IL32: variants seen among roughly 807,000 people sequenced by gnomAD.
IL32 encodes the protein interleukin-32.
In IL32, 30 loss-of-function variants were observed where a neutral mutation model predicts 16.6. The observed-to-expected ratio is 1.81, with a 90% CI of 1.35 to 2.45. IL32 has a LOEUF of 2.45. IL32 is among the 30% of genes most tolerant of loss of function. The pLI is 0.00. For synonymous variants in IL32, 70 were observed against 86.1 expected, an observed-to-expected ratio of 0.81 and a Z score of 1.03; for missense variants, 234 against 229.8, an observed-to-expected ratio of 1.02 and a Z score of -0.12.
At position 3,066,257 on chromosome 16, in the gene IL32, G is replaced by A. The variant is rs191634700; in HGVS notation, c.15+431G>A. On this transcript the variant is annotated intron_variant, in intron 2 of 6. Coordinates refer to ENST00000525643, the MANE Select transcript of IL32 (RefSeq NM_001376923.1). ...TACCACTGCCCCACCGCAAATGCTA[G>A]GCCCACCACACCCTCCAGGGAGCTC... 1.2e-3 allele frequency among the ~76,000 whole-genome samples: 186 copies of A among 152,230 alleles called. 1 individual carries two copies. Among genetic ancestry groups the A allele is most frequent in the African/African-American group, 2.7e-3 (114 of 41,510 alleles).
Position 3,067,666 on chromosome 16 carries a change from T to C in IL32, c.114+53T>C, listed in dbSNP as rs541927223. On this transcript the variant is annotated intron_variant, in intron 4 of 6. Transcript: ENST00000525643. ...GTCACATGTCCCCGCCCCCAGGCAC[T>C]CCACCCTGTGTGGGGCTCAGGGTGA... 104 of 1,346,792 alleles carry C rather than the reference T, an allele frequency of 7.7e-5. 1 individual carries two copies. The South Asian group carries it at 1.0e-3, about 14-fold the overall frequency. 83.4% of individuals were successfully genotyped at this position (1,346,792 alleles called of 1,614,324 possible).
intron 2 of IL32, among the ~76,000 whole-genome samples, chr16:3,066,930 C>T (rs1042424010): frequency 1.3e-5 from 2 of 148,218 alleles, no homozygotes; most frequent in Non-Finnish European, 3.0e-5. Context: ...AGGCCCTGCT[C>T]TTGTGAGGAG....
upstream of IL32, chr16:3,065,588 G>C (rs895162073): frequency 3.7e-5 from 24 of 641,562 alleles, no homozygotes; most frequent in Non-Finnish European, 6.4e-5. Context: ...GAGAGGCTCC[G>C]CCCACTACCC....
intron 2 of IL32, among the ~76,000 whole-genome samples, chr16:3,066,055 A>G (rs1043369400): frequency 3.3e-5 from 5 of 152,042 alleles, no homozygotes; most frequent in African/African-American, 1.2e-4. Context: ...CACCTGTCCC[A>G]GGAGCCCTTC....
In IL32 at chr16:3,067,564, T is replaced by C. The variant is rs748365535; in HGVS notation, c.65T>C (p.Ile22Thr). The C allele has an allele frequency of 3.1e-6, 5 of 1,613,942 alleles. No homozygotes were observed. Among genetic ancestry groups the C allele is most frequent in the Admixed American group, 1.7e-5 (1 of 60,014 alleles). ...KKLKARMHQA[I>T]ERFYDKMQNA... Reference sequence around the variant, plus strand: ...TGCCTCTCTTCACAGCACCAGGCCATAGAAAGATTTTATGATAAAATGCAA... The same window carrying C: ...TGCCTCTCTTCACAGCACCAGGCCACAGAAAGATTTTATGATAAAATGCAA... Residue 22 changes from isoleucine to threonine, a missense_variant, in exon 4 of 7, where the codon ATA becomes ACA. Physicochemically the swap from Ile to Thr is moderately conservative, Grantham distance 89 (BLOSUM62 -1). Around this residue, in one of 3 missense-constraint regions of IL32, gnomAD observed 137 missense variants for 80.7 expected, o/e 1.70. Transcript: ENST00000525643.
Position 3,067,308 on chromosome 16 carries a change from T to C in IL32, c.16-69T>C, listed in dbSNP as rs201732786. ...GTGTGTGTGTGTGTGTGTGTGTGTG[T>C]GTATAAATTATCCTGGAGGAAAGGT... On this transcript the variant is annotated intron_variant, in intron 2 of 6. Coordinates refer to ENST00000525643, the MANE Select transcript of IL32 (RefSeq NM_001376923.1). 59 of 748,484 alleles carry C rather than the reference T, an allele frequency of 7.9e-5. 1 individual carries two copies. The highest frequency in any genetic ancestry group is 1.6e-4 in the Admixed American group (7 of 42,588). 46.4% of individuals were successfully genotyped at this position (748,484 alleles called of 1,614,324 possible).
At position 3,067,990 on chromosome 16, in the gene IL32, T is replaced by C. The variant is rs1222313236; in HGVS notation, c.121T>C (p.Ser41Pro). The change falls in exon 5 of 7, where the codon TCG becomes CCG. Residue 41 changes from serine to proline, a missense_variant. By Grantham distance (74) the Ser-to-Pro change is moderately conservative. Transcript: ENST00000525643. Reference protein sequence around the residue: ...NAESGRGQVMSSLAELEDDFK... With the variant: ...NAESGRGQVMPSLAELEDDFK... ...AGTGCTTTGTTCCTAACAGGTGATG[T>C]CGAGCCTGGCAGAGCTGGAGGTGAG... The C allele has an allele frequency of 6.2e-7, 1 of 1,614,094 alleles. No homozygotes were observed. Among genetic ancestry groups the C allele is most frequent in the South Asian group, 1.1e-5 (1 of 91,084 alleles).
chr16:3,067,289 G>GTGTGTGTCTC lies in IL32; in HGVS notation c.16-81_16-80insCTCTGTGTGT, dbSNP rs1555442517. Reference sequence around the variant, plus strand: ...TGTGTCTCTGTGTGTGTGTGTGTGTGTGTGTGTGTGTGTGTGTGTGTATAA... The same window carrying GTGTGTGTCTC: ...TGTGTCTCTGTGTGTGTGTGTGTGTGTGTGTGTCTCTGTGTGTGTGTGTGTGTGTGTATAA... On this transcript the variant is annotated intron_variant, in intron 2 of 6. Transcript: ENST00000525643. 243 of 559,148 alleles carry GTGTGTGTCTC rather than the reference G, an allele frequency of 4.3e-4. 1 individual carries two copies. Among genetic ancestry groups the GTGTGTGTCTC allele is most frequent in the East Asian group, 3.7e-3 (121 of 32,896 alleles). The allele number at this position is 559,148 out of a possible 1,614,324, so 34.6% of individuals were successfully genotyped here. A position where few individuals can be genotyped will look rare whatever the true frequency, so the allele number is the denominator to read the frequency against.
chr16:3,068,227 G>A lies in IL32; in HGVS notation c.189G>A (p.Glu63=), dbSNP rs1046974488. The A allele has an allele frequency of 6.3e-7, 1 of 1,597,862 alleles. No homozygotes were observed. Among genetic ancestry groups the A allele is most frequent in the Non-Finnish European group, 8.5e-7 (1 of 1,171,960 alleles). Residue 63 remains glutamate (E), a synonymous_variant, in exon 6 of 7, where the codon GAG becomes GAA. Transcript: ENST00000525643. ...TGGAGACAGTGGCGGCTTATTATGA[G>A]GAGCAGCACCCAGTGAGTATGACAC... ...GYLETVAAYY[E]EQHPELTPLL...
intron 4 of IL32, 90 bp from the exon 5 acceptor site, chr16:3,067,894 G>A (rs1208734600): frequency 2.1e-6 from 3 of 1,452,916 alleles, no homozygotes; most frequent in African/African-American, 1.4e-5. Context: ...CGGGGTGTGT[G>A]GGAGCTGAGG....
In IL32 at chr16:3,067,648, G is replaced by A. The variant is rs1956541115; in HGVS notation, c.114+35G>A. On this transcript the variant is annotated intron_variant, in intron 4 of 6. Transcript: ENST00000525643. ...TTTCCCCTCAGGCACCAGGTCACAT[G>A]TCCCCGCCCCCAGGCACTCCACCCT... 8 of 1,486,940 alleles carry A rather than the reference G, an allele frequency of 5.4e-6. No individual in the cohort carries two copies. The East Asian group carries it at 1.6e-4, about 29-fold the overall frequency. The allele number at this position is 1,486,940 out of a possible 1,614,324, so 92.1% of individuals were successfully genotyped here. A position where few individuals can be genotyped will look rare whatever the true frequency, so the allele number is the denominator to read the frequency against.
intron 2 of IL32, among the ~76,000 whole-genome samples, 179 bp downstream of exon 2, chr16:3,066,005 G>A (rs969613859): frequency 6.6e-6 from 1 of 152,150 alleles, no homozygotes; most frequent in South Asian, 2.1e-4. Flanking sequence ...CATATGTGTC[G>A]GGGGCGCTGG....
Position 3,068,236 on chromosome 16 carries a change from C to G in IL32, c.198C>G (p.His66Gln). ...ETVAAYYEEQ[H>Q]PELTPLLEKE... ...TGGCGGCTTATTATGAGGAGCAGCA[C>G]CCAGTGAGTATGACACACCCATCTG... The change falls in exon 6 of 7, where the codon CAC becomes CAG. Residue 66 changes from histidine to glutamine, a missense_variant. Physicochemically the swap from His to Gln is conservative, Grantham distance 24. Around this residue, in one of 3 missense-constraint regions of IL32, gnomAD observed 137 missense variants for 80.7 expected, o/e 1.70. Coordinates refer to ENST00000525643, the MANE Select transcript of IL32 (RefSeq NM_001376923.1). The G allele has an allele frequency of 6.3e-7, 1 of 1,593,948 alleles. No homozygotes were observed. The highest frequency in any genetic ancestry group is 8.5e-7 in the Non-Finnish European group (1 of 1,169,834).
At chr16:3,068,545 T>G (rs943914125) in intron 6 of IL32, 2 of 430,506 alleles carry the variant, frequency 4.6e-6, no homozygotes, top group Non-Finnish European at 8.6e-6. Flanking sequence ...ACTCCTAACC[T>G]TGTGTTCCGT....
intron 4 of IL32, 34 bp downstream of exon 4, chr16:3,067,647 T>C (rs1956540930): frequency 8.7e-6 from 13 of 1,490,958 alleles, no homozygotes; most frequent in East Asian, 4.5e-5. Flanking sequence ...CCAGGTCACA[T>C]GTCCCCGCCC....
Position 3,069,370 on chromosome 16 carries a change from C to T in IL32, c.*15C>T. On this transcript the variant is annotated 3_prime_UTR_variant, in exon 7 of 7. Coordinates refer to ENST00000525643, the MANE Select transcript of IL32 (RefSeq NM_001376923.1). ...CCTCAAAATGAAGATACTGACACCA[C>T]CTTTGCCCTCCCCGTCACCGCGCAC... 1 of 1,567,434 alleles carries T rather than the reference C, an allele frequency of 6.4e-7. No homozygotes were observed. The highest frequency in any genetic ancestry group is 1.4e-5 in the African/African-American group (1 of 73,826).
In IL32 at chr16:3,065,680, C is replaced by A; in HGVS notation, c.-36C>A. 1 of 889,550 alleles carries A rather than the reference C, an allele frequency of 1.1e-6. No homozygotes were observed. Among genetic ancestry groups the A allele is most frequent in the South Asian group, 1.3e-5 (1 of 75,184 alleles). The allele number at this position is 889,550 out of a possible 1,614,324, so 55.1% of individuals were successfully genotyped here. A position where few individuals can be genotyped will look rare whatever the true frequency, so the allele number is the denominator to read the frequency against. ...GGTGACTGTCTCAGTGGAGCTGGGT[C>A]ATCTCAGGTGGGGAGTTGGGGTCCC... On this transcript the variant is annotated 5_prime_UTR_variant, in exon 1 of 7. Transcript: ENST00000525643.
chr16:3,068,124 A>G (rs1956629184), intron 5 of IL32, 56 bp from the exon 6 acceptor site: 2 of 1,603,752 alleles, frequency 1.2e-6, no homozygotes, highest in South Asian at 1.1e-5. Flanking sequence ...TGGGGGCCAC[A>G]GTGGGAAGGG....
chr16:3,068,151 A>G, intron 5 of IL32, 29 bp from the exon 6 acceptor site: 1 of 1,604,602 alleles, frequency 6.2e-7, no homozygotes. Context: ...CAGGAGCAGC[A>G]TGAACCCCCT....
Sources: gnomAD v4.1 joint callset for allele counts (sites outside exome capture counted in the v4.1 genomes callset) on GRCh38, gnomAD v4.1.1 for gene constraint, gnomAD v4.1.1 regional missense constraint, MANE v1.5 for transcripts, NCBI Gene and HGNC (gene_info 2026-07-23, HGNC 2026-07-21) for gene names.